OSBPL1A: variants seen among roughly 807,000 people sequenced by gnomAD.
The protein encoded by OSBPL1A is oxysterol-binding protein-related protein 1.
A neutral mutation model predicts 137.1 loss-of-function variants in OSBPL1A; 80 were observed. The observed-to-expected ratio is 0.58, with a 90% CI of 0.49 to 0.70. The LOEUF is 0.70. Ranked by LOEUF, OSBPL1A falls within the 30% of genes least tolerant of loss-of-function variation. OSBPL1A has a pLI of 0.00. For missense variants in OSBPL1A, 970 were observed against 1,129.4 expected, an observed-to-expected ratio of 0.86 and a Z score of 2.02; for synonymous variants, 365 against 389.7, an observed-to-expected ratio of 0.94 and a Z score of 0.75.
chr18:24,321,571 GAGCTACTGTACCTGGCCTTA>G (rs2090858724), intron 7 of OSBPL1A: 2 of 430,056 alleles, frequency 4.7e-6, no homozygotes, highest in African/African-American at 4.2e-5. Flanking sequence ...TTACAGGTGT[GAGCTACTGTACCTGGCCTTA>G]AGTGTATTTT....
At chr18:24,311,184 C>T (rs781644961) in intron 13 of OSBPL1A, among the ~76,000 whole-genome samples, 133 of 152,260 alleles carry the variant, frequency 8.7e-4, no homozygotes, top group Non-Finnish European at 1.3e-3. Flanking sequence ...GTTGATAAAA[C>T]TCCATAGGTA....
At chr18:24,165,729 T>C (rs537177447) in intron 26 of OSBPL1A, among the ~76,000 whole-genome samples, 1 of 152,320 alleles carries the variant, frequency 6.6e-6, no homozygotes, top group Admixed American at 6.5e-5. Flanking sequence ...TCTTCAGACT[T>C]TGCTACATGT....
At chr18:24,300,734 GT>G (rs1403058813) in intron 14 of OSBPL1A, among the ~76,000 whole-genome samples, 2 of 152,208 alleles carry the variant, frequency 1.3e-5, no homozygotes, top group African/African-American at 2.4e-5. Context: ...TCTGGATTCT[GT>G]CTACAAACAT....
At chr18:24,341,434 G>A in intron 5 of OSBPL1A, 113 bp downstream of exon 5, 1 of 683,222 alleles carries the variant, frequency 1.5e-6, no homozygotes. Context: ...ATTATCATTA[G>A]AGCATCAGCT....
chr18:24,178,442 C>T (rs924097333), intron 20 of OSBPL1A, among the ~76,000 whole-genome samples: 2 of 148,276 alleles, frequency 1.3e-5, no homozygotes, highest in African/African-American at 5.0e-5. Context: ...CAGGCATGCA[C>T]CACCACACCT....
At chr18:24,278,883 G>T (rs1400072579) in intron 15 of OSBPL1A, among the ~76,000 whole-genome samples, 2 of 152,106 alleles carry the variant, frequency 1.3e-5, no homozygotes, top group Non-Finnish European at 2.9e-5. Context: ...ACTTACACAT[G>T]AAATTTGCAA....
intron 18 of OSBPL1A, among the ~76,000 whole-genome samples, chr18:24,189,475 C>A (rs1241518594): frequency 1.3e-5 from 2 of 152,132 alleles, no homozygotes; most frequent in Non-Finnish European, 2.9e-5. Context: ...CGGGGGCTGG[C>A]GGCAGTCAGC....
intron 23 of OSBPL1A, chr18:24,170,655 G>T: frequency 1.8e-6 from 1 of 551,316 alleles, no homozygotes; most frequent in Non-Finnish European, 3.2e-6. Flanking sequence ...TACTATAAAG[G>T]TGTGTACGAC....
chr18:24,328,199 C>G (rs1042347182), intron 7 of OSBPL1A, among the ~76,000 whole-genome samples: 1 of 147,724 alleles, frequency 6.8e-6, no homozygotes, highest in African/African-American at 2.5e-5. Context: ...CGTGCCACCA[C>G]GCCCGGCTAA....
chr18:24,225,105 CTG>C lies in OSBPL1A; in HGVS notation c.1536_1537del (p.His512GlnfsTer34), dbSNP rs1423411319. 2 of 1,614,192 alleles carry C rather than the reference CTG, an allele frequency of 1.2e-6. No homozygotes were observed. Among genetic ancestry groups the C allele is most frequent in the Non-Finnish European group, 1.7e-6 (2 of 1,180,020 alleles). ...ACCACAGTCTTTTTCTTCGGACATT[CTG>C]TGTTTTCTACTGCCCAAATGCTCTC... On this transcript the variant is annotated frameshift_variant, in exon 17 of 28. Transcript: ENST00000319481. LOFTEE classifies it high-confidence loss of function.
chr18:24,310,601 C>CAAAA, intron 13 of OSBPL1A, among the ~76,000 whole-genome samples: 1 of 53,010 alleles, frequency 1.9e-5, no homozygotes, highest in Non-Finnish European at 4.2e-5. Context: ...GACTCCGTCT[C>CAAAA]AAAAAAAAAA....
chr18:24,195,506 T>C (rs936162927), intron 18 of OSBPL1A, among the ~76,000 whole-genome samples: 1 of 152,140 alleles, frequency 6.6e-6, no homozygotes, highest in Non-Finnish European at 1.5e-5. Context: ...CAGATTCTTT[T>C]GTGCCACATG....
intron 7 of OSBPL1A, among the ~76,000 whole-genome samples, chr18:24,327,531 T>A (rs2091003808): frequency 6.6e-6 from 1 of 152,154 alleles, no homozygotes. Flanking sequence ...TGCCTCAGCC[T>A]CCCAAGTAGC....
chr18:24,204,652 T>C (rs951564821), intron 17 of OSBPL1A, among the ~76,000 whole-genome samples: 4 of 151,922 alleles, frequency 2.6e-5, no homozygotes, highest in African/African-American at 9.7e-5. Flanking sequence ...TAAAGATAGC[T>C]AGGTCTCTTT....
intron 16 of OSBPL1A, among the ~76,000 whole-genome samples, chr18:24,231,959 A>G (rs188647242): frequency 6.6e-6 from 1 of 152,356 alleles, no homozygotes; most frequent in African/African-American, 2.4e-5. Flanking sequence ...CAAGATGGGG[A>G]AGAACTGTGG....
At chr18:24,308,051 T>G (rs1568015759) in intron 13 of OSBPL1A, among the ~76,000 whole-genome samples, 1 of 152,116 alleles carries the variant, frequency 6.6e-6, no homozygotes, top group Admixed American at 6.5e-5. Context: ...AATCATTTAT[T>G]CTTAAATCAG....
At chr18:24,363,838 A>G (rs1215314560) in intron 4 of OSBPL1A, among the ~76,000 whole-genome samples, 5 of 150,878 alleles carry the variant, frequency 3.3e-5, no homozygotes, top group African/African-American at 9.8e-5. Context: ...GATTCTCCCT[A>G]TGTTGCCCAG....
At chr18:24,188,947 T>A (rs1391596653) in intron 18 of OSBPL1A, among the ~76,000 whole-genome samples, 1 of 152,188 alleles carries the variant, frequency 6.6e-6, no homozygotes. Context: ...GTGTGTATAT[T>A]CCAATAACAA....
intron 21 of OSBPL1A, among the ~76,000 whole-genome samples, chr18:24,176,210 G>T (rs1037361450): frequency 2.0e-5 from 3 of 152,166 alleles, no homozygotes; most frequent in Non-Finnish European, 4.4e-5. Context: ...TTGGGATTTT[G>T]ATTTGGACTG....
Sources: gnomAD v4.1 joint callset for allele counts (sites outside exome capture counted in the v4.1 genomes callset) on GRCh38, gnomAD v4.1.1 for gene constraint, MANE v1.5 for transcripts, NCBI Gene and HGNC (gene_info 2026-07-23, HGNC 2026-07-21) for gene names.